Variants in SAXO1 observed in about 807,000 individuals in gnomAD.
The protein encoded by SAXO1 is stabilizer of axonemal microtubules 1, also known as 4930500O09Rik.
SAXO1 carries 21 observed loss-of-function variants against 17.5 expected under a neutral mutation model. That is an observed-to-expected ratio of 1.20 (90% CI 0.85 to 1.72). The LOEUF (loss-of-function observed/expected upper bound fraction) is 1.72. Among genes scored for constraint, SAXO1 ranks in the 40% most tolerant of loss-of-function variants. SAXO1 has a pLI of 0.00. For synonymous variants in SAXO1, 274 were observed against 216.5 expected (o/e 1.27, Z -2.33); for missense variants, 843 against 596.0 (o/e 1.41, Z -4.32).
At chr9:18,932,490 A>G (rs1236513317) in intron 3 of SAXO1, among the ~76,000 whole-genome samples, 1 of 152,222 alleles carries the variant, frequency 6.6e-6, no homozygotes, top group African/African-American at 2.4e-5. Context: ...CTTATTTTTC[A>G]AAAATACTTT....
intron 1 of SAXO1, among the ~76,000 whole-genome samples, chr9:18,978,183 C>G (rs1358297327): frequency 6.6e-6 from 1 of 152,014 alleles, no homozygotes; most frequent in Non-Finnish European, 1.5e-5. Context: ...TTCTCAGGTC[C>G]TTTCTTGGAT....
chr9:18,984,430 C>G (rs1833515270), intron 1 of SAXO1, among the ~76,000 whole-genome samples: 1 of 152,346 alleles, frequency 6.6e-6, no homozygotes, highest in Admixed American at 6.5e-5. Context: ...TTCATCTACA[C>G]TGAAAATTTG....
chr9:18,974,291 C>G lies in SAXO1; in HGVS notation c.39-23354G>C, dbSNP rs140258595. On this transcript the variant is annotated intron_variant, in intron 1 of 3. Coordinates refer to ENST00000380534, the MANE Select transcript of SAXO1 (RefSeq NM_153707.4). ...ACGGAATTGGAAGTATTGGTATGAA[C>G]TGATGGGTTTTTAATATACATGCAG... Among the ~76,000 whole-genome samples, 10 of 152,330 alleles carry G rather than the reference C, an allele frequency of 6.6e-5. No homozygotes were observed. In the East Asian group the frequency reaches 1.9e-3, roughly 29 times the overall value.
In SAXO1 at chr9:18,960,337, T is replaced by C. The variant is rs75675998; in HGVS notation, c.39-9400A>G. The stretch of plus-strand genomic sequence containing the variant: ...AGCCAATCCTCTGGGGGAAGGAAGA[T>C]ACCACTCTGGAATGTTCTATCTCTT... On this transcript the variant is annotated intron_variant, in intron 1 of 3. Transcript: ENST00000380534. 8.6e-3 allele frequency among the ~76,000 whole-genome samples: 1,302 copies of C among 152,192 alleles called. 14 individuals carry two copies. Among genetic ancestry groups the C allele is most frequent in the African/African-American group, 0.03 (1,251 of 41,512 alleles).
At chr9:18,950,439 C>A (rs1831981830) in intron 2 of SAXO1, among the ~76,000 whole-genome samples, 3 of 152,050 alleles carry the variant, frequency 2.0e-5, no homozygotes, top group Non-Finnish European at 4.4e-5. Flanking sequence ...TCAGCAACAT[C>A]CCCCACTCTT....
intron 1 of SAXO1, among the ~76,000 whole-genome samples, chr9:18,978,463 T>C (rs1833241938): frequency 6.6e-6 from 1 of 152,214 alleles, no homozygotes. Context: ...CCTTCCTGCC[T>C]GAGCTCAAAC....
chr9:18,954,341 AT>A (rs5896827), intron 1 of SAXO1, among the ~76,000 whole-genome samples: 175 of 147,718 alleles, frequency 1.2e-3, no homozygotes, highest in Middle Eastern at 3.5e-3. Flanking sequence ...GAATCACAGA[AT>A]TTTTTTTTTT....
intron 2 of SAXO1, among the ~76,000 whole-genome samples, chr9:18,948,970 C>G (rs1831913052): frequency 6.6e-6 from 1 of 152,212 alleles, no homozygotes; most frequent in Non-Finnish European, 1.5e-5. Context: ...GATTACATGT[C>G]CCTTATACAT....
At chr9:18,931,191 C>G (rs1207857106) in intron 3 of SAXO1, among the ~76,000 whole-genome samples, 1 of 152,156 alleles carries the variant, frequency 6.6e-6, no homozygotes, top group Admixed American at 6.5e-5. Context: ...CCATCTCCAG[C>G]CCCAGGCAAC....
Position 18,950,758 on chromosome 9 carries a change from C to G in SAXO1, c.218G>C (p.Arg73Thr). 1 of 1,612,248 alleles carries G rather than the reference C, an allele frequency of 6.2e-7. No individual in the cohort carries two copies. The highest frequency in any genetic ancestry group is 8.5e-7 in the Non-Finnish European group (1 of 1,178,820). ...PIPMEGLTTS[R>T]RDFGPHKVAP... ...ATACATTAATACTGTTTGCCCTCAC[C>G]TTGATGTAGTCAGGCCTTCCATTGG... Residue 73 changes from arginine (R) to threonine (T), a missense_variant and splice_region_variant, in exon 2 of 4, where the codon AGG (arginine) becomes ACG (threonine). By Grantham distance (71) the Arg-to-Thr change is moderately conservative (BLOSUM62 -1). Transcript: ENST00000380534.
chr9:19,029,762 G>A (rs1039469701), intron 1 of SAXO1, among the ~76,000 whole-genome samples: 1 of 152,146 alleles, frequency 6.6e-6, no homozygotes, highest in African/African-American at 2.4e-5. Context: ...CTGAGAAACT[G>A]AATTTTTAGT....
At chr9:18,944,028 A>T (rs930823652) in intron 2 of SAXO1, among the ~76,000 whole-genome samples, 12 of 152,276 alleles carry the variant, frequency 7.9e-5, no homozygotes, top group Non-Finnish European at 1.6e-4. Flanking sequence ...CTTCTACCGG[A>T]AAAGAGCAGA....
At chr9:19,027,508 G>A (rs1588558210) in intron 1 of SAXO1, 2 of 879,392 alleles carry the variant, frequency 2.3e-6, no homozygotes, top group East Asian at 4.8e-5. Context: ...TCCAAAAGGG[G>A]TGCTGGCCCC....
chr9:19,042,901 G>C (rs1749084675), intron 1 of SAXO1, among the ~76,000 whole-genome samples: 1 of 152,232 alleles, frequency 6.6e-6, no homozygotes, highest in Non-Finnish European at 1.5e-5. Flanking sequence ...GCCAGGTGCA[G>C]TGGTTGATGC....
At chr9:19,048,596 G>C (rs1836276997) in intron 1 of SAXO1, among the ~76,000 whole-genome samples, 1 of 152,224 alleles carries the variant, frequency 6.6e-6, no homozygotes, top group Non-Finnish European at 1.5e-5. Context: ...ATTATGCTTT[G>C]AGAGGGGCAC....
intron 1 of SAXO1, among the ~76,000 whole-genome samples, chr9:19,028,879 T>C (rs1422250636): frequency 1.3e-5 from 2 of 152,240 alleles, no homozygotes; most frequent in Non-Finnish European, 2.9e-5. Flanking sequence ...CGTACCACTT[T>C]CCTGAGCTCT....
chr9:19,033,569 T>C (rs1359935470), upstream of SAXO1, among the ~76,000 whole-genome samples: 1 of 152,230 alleles, frequency 6.6e-6, no homozygotes, highest in Non-Finnish European at 1.5e-5. Flanking sequence ...GGTTTCCAGA[T>C]CTTCCTGTGG....
chr9:19,049,097 G>C lies in SAXO1; in HGVS notation c.-158+112C>G, dbSNP rs922190654. The C allele has an allele frequency of 2.6e-5, 4 of 152,692 alleles. No individual in the cohort carries two copies. The highest frequency in any genetic ancestry group is 9.6e-5 in the African/African-American group (4 of 41,592). 9.5% of individuals were successfully genotyped at this position (152,692 alleles called of 1,614,324 possible). A position where few individuals can be genotyped will look rare whatever the true frequency, so the allele number is the denominator to read the frequency against. ...CACTTCACCAGTCGGCTGCCCCTGC[G>C]GAAACCGGCCCGACACACCTCGCTC... On this transcript the variant is annotated intron_variant, in intron 1 of 3. Coordinates refer to the SAXO1 transcript ENST00000542071. This position sits in a 1 kb window ranked among gnomAD's most constrained non-coding sequence, Gnocchi z 5.4.
At chr9:19,015,242 C>G (rs769237587) in intron 1 of SAXO1, among the ~76,000 whole-genome samples, 2 of 152,162 alleles carry the variant, frequency 1.3e-5, no homozygotes, top group South Asian at 4.1e-4. Flanking sequence ...CATGGCTTAC[C>G]GCAGCCTCAA....
Sources: gnomAD v4.1 joint callset for allele counts (sites outside exome capture counted in the v4.1 genomes callset) on GRCh38, gnomAD v4.1.1 for gene constraint, Gnocchi (gnomAD v3.1) non-coding constraint, MANE v1.5 for transcripts, NCBI Gene and HGNC (gene_info 2026-07-23, HGNC 2026-07-21) for gene names.